Variants in ZNF341 observed in about 807,000 individuals in gnomAD.
The protein encoded by ZNF341 is zinc finger protein 341.
ZNF341 carries 52 observed loss-of-function variants against 87.7 expected under a neutral mutation model. The observed-to-expected ratio is 0.59, with a 90% CI of 0.47 to 0.75. ZNF341 has a LOEUF of 0.75. Among genes scored for constraint, ZNF341 ranks in the 30% least tolerant of loss-of-function variants. ZNF341 has a pLI of 0.00. For synonymous variants in ZNF341, 459 were observed against 472.7 expected, an observed-to-expected ratio of 0.97 and a Z score of 0.38; for missense variants, 977 against 1,145.9, an observed-to-expected ratio of 0.85 and a Z score of 2.13.
chr20:33,768,449 G>T (rs903357420), intron 9 of ZNF341, among the ~76,000 whole-genome samples: 1 of 148,652 alleles, frequency 6.7e-6, no homozygotes, highest in African/African-American at 2.5e-5. Context: ...TTTTAGACAG[G>T]GTCTCACTCT....
At chr20:33,766,259 ATC>A (rs2019403573) in intron 8 of ZNF341, among the ~76,000 whole-genome samples, 1 of 151,548 alleles carries the variant, frequency 6.6e-6, no homozygotes, top group African/African-American at 2.4e-5. Flanking sequence ...CAGGGGCACA[ATC>A]TCTGCTCACT....
At chr20:33,755,609 T>C (rs2019159955) in intron 5 of ZNF341, among the ~76,000 whole-genome samples, 2 of 149,940 alleles carry the variant, frequency 1.3e-5, no homozygotes, top group Non-Finnish European at 3.0e-5. Flanking sequence ...TTTTTTTTTT[T>C]TGAGACTGAG....
rs4324392 is a variant in ZNF341, at chr20:33,746,311, G to A, written c.339+1012G>A. On this transcript the variant is annotated intron_variant, in intron 3 of 14. Coordinates refer to ENST00000375200, the MANE Select transcript of ZNF341 (RefSeq NM_001282933.2). ...TGCAGTGGCAGGATCTCGGCTCACT[G>A]CAACCTCCGCCTCCTGGGTTCAAGT... 2.6e-3 allele frequency among the ~76,000 whole-genome samples: 366 copies of A among 141,250 alleles called. 3 individuals carry two copies. The highest frequency in any genetic ancestry group is 9.2e-3 in the African/African-American group (340 of 36,958). 92.7% of individuals were successfully genotyped at this position (141,250 alleles called of 152,430 possible). A position where few individuals can be genotyped will look rare whatever the true frequency, so the allele number is the denominator to read the frequency against.
At chr20:33,785,207 T>C (rs2019827915) in intron 12 of ZNF341, among the ~76,000 whole-genome samples, 1 of 152,048 alleles carries the variant, frequency 6.6e-6, no homozygotes. Context: ...ATGTTTTTCC[T>C]TTTTTTTCTT....
At chr20:33,750,880 AT>A (rs968353593) in intron 4 of ZNF341, among the ~76,000 whole-genome samples, 11 of 152,140 alleles carry the variant, frequency 7.2e-5, no homozygotes, top group Non-Finnish European at 1.3e-4. Context: ...ACCTCAGGTG[AT>A]CTGCCCACCT....
intron 5 of ZNF341, among the ~76,000 whole-genome samples, chr20:33,754,773 C>T (rs746499106): frequency 4.6e-5 from 7 of 152,298 alleles, no homozygotes; most frequent in East Asian, 1.9e-4. Flanking sequence ...CCTAGCAGAG[C>T]ACTCCTAGAG....
intron 4 of ZNF341, chr20:33,752,246 T>G (rs1044502015): frequency 1.7e-6 from 1 of 588,072 alleles, no homozygotes; most frequent in Non-Finnish European, 3.3e-6. Flanking sequence ...ATAGAGCTTA[T>G]TTGGTGGATC....
intron 8 of ZNF341, among the ~76,000 whole-genome samples, chr20:33,763,544 C>T (rs572931861): frequency 1.3e-5 from 2 of 152,132 alleles, no homozygotes; most frequent in Non-Finnish European, 2.9e-5. Context: ...AGTAATCCAC[C>T]CACCTTGGCC....
At chr20:33,758,567 T>A in intron 6 of ZNF341, 149 bp from the exon 7 acceptor site, 1 of 607,282 alleles carries the variant, frequency 1.6e-6, no homozygotes, top group Non-Finnish European at 2.9e-6. Context: ...CCTGTGAAGC[T>A]CTCCCATGTC....
intron 10 of ZNF341, 46 bp downstream of exon 10, chr20:33,770,338 G>GGTGGGGGGGGGGGGGGC: frequency 2.0e-6 from 1 of 491,752 alleles, no homozygotes; most frequent in Non-Finnish European, 4.2e-6. Flanking sequence ...GGGTGGGTGG[G>GGTGGGGGGGGGGGGGGC]CAGGGAGCCC....
chr20:33,757,143 C>G lies in ZNF341; in HGVS notation c.742-5C>G. On this transcript the variant is annotated splice_polypyrimidine_tract_variant and splice_region_variant and intron_variant, in intron 5 of 14. Transcript: ENST00000375200. ...GCTTTTTCCCTGACTGTGTTGTCCT[C>G]CTAGGTGCCAAACCAGTGTGTGGAG... 7.1e-7 allele frequency: 1 copy of G among 1,408,440 alleles called. No homozygotes were observed. The highest frequency in any genetic ancestry group is 9.3e-7 in the Non-Finnish European group (1 of 1,072,782). The allele number at this position is 1,408,440 out of a possible 1,614,324, so 87.2% of individuals were successfully genotyped here.
chr20:33,760,365 T>C (rs1264516924), intron 7 of ZNF341, among the ~76,000 whole-genome samples: 5 of 152,122 alleles, frequency 3.3e-5, no homozygotes, highest in Admixed American at 2.0e-4. Flanking sequence ...ATCGTGCCAG[T>C]GCACTCCAGC....
At chr20:33,745,739 G>A (rs1192294306) in intron 3 of ZNF341, among the ~76,000 whole-genome samples, 2 of 151,908 alleles carry the variant, frequency 1.3e-5, no homozygotes, top group Non-Finnish European at 2.9e-5. Context: ...TGAGTTATGC[G>A]GCTGGTTTGG....
In ZNF341 at chr20:33,732,179, G is replaced by A; in HGVS notation, c.31+127G>A. On this transcript the variant is annotated intron_variant, in intron 1 of 14. Coordinates refer to ENST00000375200, the MANE Select transcript of ZNF341 (RefSeq NM_001282933.2). The surrounding 1 kb of genome is among the most constrained non-coding windows in gnomAD (Gnocchi z 4.5). Reference sequence around the variant, plus strand: ...GGAGGGCGCCGGGGCTGGAACAGCCGCGGGGCGGGAGGGGCGCGGGCGGGA... The same window carrying A: ...GGAGGGCGCCGGGGCTGGAACAGCCACGGGGCGGGAGGGGCGCGGGCGGGA... The A allele has an allele frequency of 1.4e-6, 1 of 724,464 alleles. No homozygotes were observed. The highest frequency in any genetic ancestry group is 1.7e-6 in the Non-Finnish European group (1 of 592,660). 44.9% of individuals were successfully genotyped at this position (724,464 alleles called of 1,614,324 possible). A position where few individuals can be genotyped will look rare whatever the true frequency, so the allele number is the denominator to read the frequency against.
intron 12 of ZNF341, among the ~76,000 whole-genome samples, chr20:33,785,045 A>G (rs556672903): frequency 1.3e-5 from 2 of 152,284 alleles, no homozygotes; most frequent in African/African-American, 2.4e-5. Context: ...TTTCTTTTCT[A>G]TTAATCTTTA....
At position 33,757,241 on chromosome 20, in the gene ZNF341, G is replaced by A. The variant is rs6057900; in HGVS notation, c.835G>A (p.Ala279Thr). 3.9e-5 allele frequency: 63 copies of A among 1,604,468 alleles called. No homozygotes were observed. The highest frequency in any genetic ancestry group is 1.7e-4 in the Middle Eastern group (1 of 6,046). The change falls in exon 6 of 15, where the codon GCC (alanine) becomes ACC (threonine). Residue 279 changes from alanine (A) to threonine (T), a missense_variant. Physicochemically the swap from Ala to Thr is moderately conservative, Grantham distance 58. This residue lies in a region of ZNF341 where 515 missense variants were observed against 598.2 expected (regional missense o/e 0.86). Transcript: ENST00000375200. ...ATTCAAACCCAAAGGACCAAACCCC[G>A]CCGCCCCCATGACCAGCGCCACCGG... ...QGFKPKGPNPAAPMTSATGGT... is the reference protein window; with the variant it reads ...QGFKPKGPNPTAPMTSATGGT...
intron 4 of ZNF341, among the ~76,000 whole-genome samples, chr20:33,751,900 T>C (rs2019064246): frequency 6.6e-6 from 1 of 152,138 alleles, no homozygotes; most frequent in African/African-American, 2.4e-5. Flanking sequence ...GGATTGGTCA[T>C]GTAGGTGACC....
chr20:33,791,384 C>A lies in ZNF341; in HGVS notation c.2432C>A (p.Ala811Glu), dbSNP rs746287591. The change falls in exon 15 of 15, where the codon GCG becomes GAG. Residue 811 changes from alanine (A) to glutamate (E), a missense_variant. Around this residue, in one of 3 missense-constraint regions of ZNF341, gnomAD observed 221 missense variants for 212.7 expected, o/e 1.04. Coordinates refer to ENST00000375200, the MANE Select transcript of ZNF341 (RefSeq NM_001282933.2). ...ATCGTTGTGGGTGGTGCGGTGGGCG[C>A]GGAAACTGAGCTGGTGGTACCTGGA... The part of the protein sequence containing the change: ...LSIVVGGAVG[A>E]ETELVVPGHA... 1 of 1,612,622 alleles carries A rather than the reference C, an allele frequency of 6.2e-7. No homozygotes were observed. The highest frequency in any genetic ancestry group is 8.5e-7 in the Non-Finnish European group (1 of 1,179,724).
chr20:33,741,008 A>T lies in ZNF341; in HGVS notation c.138A>T (p.Pro46=), dbSNP rs763603870. ...QSVNAPPAIQ[P]LDDEDVFLCG... ...TCAATGCGCCCCCTGCTATCCAGCC[A>T]TTGGGTGAGTATCTGCTCAGGTTCA... The change falls in exon 2 of 15, where the codon CCA becomes CCT. Residue 46 remains proline (P), a synonymous_variant. Coordinates refer to ENST00000375200, the MANE Select transcript of ZNF341 (RefSeq NM_001282933.2). 1.9e-6 allele frequency: 3 copies of T among 1,613,906 alleles called. No homozygotes were observed. The highest frequency in any genetic ancestry group is 2.2e-5 in the East Asian group (1 of 44,904).
Sources: gnomAD v4.1 joint callset for allele counts (sites outside exome capture counted in the v4.1 genomes callset) on GRCh38, gnomAD v4.1.1 for gene constraint, gnomAD v4.1.1 regional missense constraint, Gnocchi (gnomAD v3.1) non-coding constraint, MANE v1.5 for transcripts, NCBI Gene and HGNC (gene_info 2026-07-23, HGNC 2026-07-21) for gene names.